Variants in UBE2W observed in about 807,000 individuals in gnomAD.
UBE2W encodes ubiquitin conjugating enzyme E2 W, also known as ubiquitin-conjugating enzyme E2 W.
A neutral mutation model predicts 27.2 loss-of-function variants in UBE2W; 18 were observed. The ratio of observed to expected loss-of-function variants is 0.66; its 90% CI spans 0.46 to 0.98. UBE2W has a LOEUF of 0.98. Among genes scored for constraint, UBE2W ranks in the 50% least tolerant of loss-of-function variants. UBE2W has a pLI of 0.00. For missense variants in UBE2W, 90 were observed against 180.2 expected (o/e 0.50, Z 2.87); for synonymous variants, 53 against 57.2 (o/e 0.93, Z 0.33).
chr8:73,845,717 A>T (rs1283963910), intron 1 of UBE2W, among the ~76,000 whole-genome samples: 7 of 151,518 alleles, frequency 4.6e-5, no homozygotes, highest in African/African-American at 7.3e-5. Flanking sequence ...TACTAAAAAA[A>T]TTTAAAAAAA....
At chr8:73,870,392 G>GA (rs573042877) in intron 1 of UBE2W, 78,440 of 796,782 alleles carry the variant, frequency 0.098, 189 homozygotes, top group African/African-American at 0.14. Flanking sequence ...CTAGAAATCA[G>GA]AAAAAAAAAA....
chr8:73,853,369 A>G (rs1039197970), intron 1 of UBE2W, among the ~76,000 whole-genome samples: 41 of 152,162 alleles, frequency 2.7e-4, no homozygotes, highest in Non-Finnish European at 1.0e-4. Context: ...GCTCCCTGCA[A>G]TGCTCCCGCC....
intron 1 of UBE2W, chr8:73,831,859 CT>C (rs1329307496): frequency 6.6e-6 from 1 of 151,866 alleles, no homozygotes; most frequent in Non-Finnish European, 1.5e-5. Context: ...CCCTGATTTG[CT>C]TTTAAAATAC....
intron 1 of UBE2W, among the ~76,000 whole-genome samples, chr8:73,832,621 T>C (rs1372914171): frequency 1.3e-5 from 2 of 152,214 alleles, no homozygotes; most frequent in Admixed American, 1.3e-4. Context: ...AGCTACTATA[T>C]TGAGGTTGTA....
Position 73,813,393 on chromosome 8 carries a change from C to T in UBE2W, c.211-2764G>A, listed in dbSNP as rs73322680. ...GCAGATATTCTGTAAGCAAAGAGAACCAGTAATGAAGAAGACAGAAACAAC... is the reference window on the plus strand; with the variant it reads ...GCAGATATTCTGTAAGCAAAGAGAATCAGTAATGAAGAAGACAGAAACAAC... On this transcript the variant is annotated intron_variant, in intron 3 of 5. Transcript: ENST00000602593. Among the ~76,000 whole-genome samples, 575 of 152,196 alleles carry T rather than the reference C, an allele frequency of 3.8e-3. 3 individuals carry two copies. The highest frequency in any genetic ancestry group is 0.012 in the African/African-American group (498 of 41,520).
chr8:73,825,478 A>G (rs1809800224), intron 2 of UBE2W, among the ~76,000 whole-genome samples: 1 of 152,178 alleles, frequency 6.6e-6, no homozygotes, highest in South Asian at 2.1e-4. Context: ...ACAGCTAGCA[A>G]AAGACAGAGC....
chr8:73,820,074 T>G (rs1809545568), intron 3 of UBE2W, among the ~76,000 whole-genome samples: 1 of 152,172 alleles, frequency 6.6e-6, no homozygotes, highest in South Asian at 2.1e-4. Flanking sequence ...GTGCTTGGAT[T>G]ACAGGCATGA....
chr8:73,855,699 C>T (rs900870608), intron 1 of UBE2W, among the ~76,000 whole-genome samples: 1 of 152,076 alleles, frequency 6.6e-6, no homozygotes, highest in African/African-American at 2.4e-5. Context: ...AGCCACAGCA[C>T]CCAGCCCTGT....
chr8:73,875,948 G>T (rs531014464), intron 1 of UBE2W, among the ~76,000 whole-genome samples: 1 of 152,194 alleles, frequency 6.6e-6, no homozygotes, highest in South Asian at 2.1e-4. Flanking sequence ...AGCTACTCAG[G>T]AGACTGAGTA....
In UBE2W at chr8:73,844,770, G is replaced by A. The variant is rs564995328; in HGVS notation, c.16-14298C>T. On this transcript the variant is annotated intron_variant, in intron 1 of 5. Transcript: ENST00000602593. ...ACCTCTGCCCCGCCGCCCCATCTGA[G>A]ATGTGAAGAGAGCCTCTGCCTGGCC... Among the ~76,000 whole-genome samples the A allele has an allele frequency of 5.9e-5, 9 of 151,732 alleles. No individual in the cohort carries two copies. In the South Asian group the frequency reaches 1.0e-3, roughly 17 times the overall value.
intron 1 of UBE2W, among the ~76,000 whole-genome samples, chr8:73,870,743 T>G (rs149437012): frequency 4.9e-4 from 73 of 147,980 alleles, no homozygotes; most frequent in Middle Eastern, 3.5e-3. Flanking sequence ...TTATTAGCGC[T>G]GGGATGGGAG....
chr8:73,854,629 T>C (rs539773659), intron 1 of UBE2W, among the ~76,000 whole-genome samples: 2 of 152,322 alleles, frequency 1.3e-5, no homozygotes, highest in South Asian at 4.1e-4. Context: ...ATAAAATTGG[T>C]ACCATAGATT....
At chr8:73,808,674 T>C (rs1809020797) in intron 4 of UBE2W, among the ~76,000 whole-genome samples, 1 of 152,238 alleles carries the variant, frequency 6.6e-6, no homozygotes, top group South Asian at 2.1e-4. Context: ...CTAGTAAATG[T>C]TTTTTGAATT....
intron 3 of UBE2W, among the ~76,000 whole-genome samples, chr8:73,814,904 GA>G: frequency 1.3e-5 from 2 of 152,298 alleles, no homozygotes; most frequent in East Asian, 3.9e-4. Context: ...AGCTAAGAGA[GA>G]AATAATTATG....
At chr8:73,869,124 T>C (rs1389385307) in intron 1 of UBE2W, among the ~76,000 whole-genome samples, 1 of 152,222 alleles carries the variant, frequency 6.6e-6, no homozygotes. Flanking sequence ...ACAACATGGA[T>C]GAACCTCAGA....
intron 1 of UBE2W, among the ~76,000 whole-genome samples, chr8:73,871,606 T>C (rs1812012694): frequency 6.6e-6 from 1 of 152,180 alleles, no homozygotes; most frequent in Admixed American, 6.5e-5. Flanking sequence ...TTTTTGGTGA[T>C]CCAAGAACTA....
chr8:73,839,347 T>TA (rs34467910), intron 1 of UBE2W, among the ~76,000 whole-genome samples: 82,286 of 131,638 alleles, frequency 0.63, 27,224 homozygotes, highest in East Asian at 0.89. Context: ...TGCTCCTAGT[T>TA]AAAAAAAAAA....
chr8:73,790,570 G>C lies in UBE2W; in HGVS notation c.*3532C>G. ...TGTACAAAAAAATTAATGAAAGTGAGATCAAGAAATATAAGCAGCAGTAAC... is the reference window on the plus strand; with the variant it reads ...TGTACAAAAAAATTAATGAAAGTGACATCAAGAAATATAAGCAGCAGTAAC... On this transcript the variant is annotated 3_prime_UTR_variant, in exon 6 of 6. Coordinates refer to ENST00000602593, the MANE Select transcript of UBE2W (RefSeq NM_018299.6). 2 of 984,612 alleles carry C rather than the reference G, an allele frequency of 2.0e-6. No individual in the cohort carries two copies. The highest frequency in any genetic ancestry group is 2.4e-6 in the Non-Finnish European group (2 of 829,244). The allele number at this position is 984,612 out of a possible 1,614,324, so 61.0% of individuals were successfully genotyped here.
chr8:73,816,804 G>A (rs1228717908), intron 3 of UBE2W, among the ~76,000 whole-genome samples: 4 of 152,196 alleles, frequency 2.6e-5, no homozygotes, highest in Non-Finnish European at 4.4e-5. Flanking sequence ...AGGCCGAGGT[G>A]GGCGGATCAC....
Sources: allele counts gnomAD v4.1 joint callset (sites outside exome capture counted in the v4.1 genomes callset), GRCh38; gene constraint gnomAD v4.1.1; transcripts MANE v1.5; gene names NCBI Gene and HGNC (gene_info 2026-07-23, HGNC 2026-07-21).